SWT1: variants seen among roughly 807,000 people sequenced by gnomAD.
SWT1 encodes transcriptional protein SWT1.
SWT1 carries 33 observed loss-of-function variants against 107.3 expected under a neutral mutation model. The ratio of observed to expected loss-of-function variants is 0.31; its 90% CI spans 0.23 to 0.41. The LOEUF (loss-of-function observed/expected upper bound fraction) is 0.41, where lower values mean the gene tolerates loss of function less well. Ranked by LOEUF, SWT1 falls within the 10% of genes least tolerant of loss-of-function variation. The pLI, the probability that SWT1 is intolerant of heterozygous loss-of-function variation, is 1.00. For missense variants in SWT1, 898 were observed against 1,028.9 expected (o/e 0.87, Z 1.74); for synonymous variants, 345 against 348.3 (o/e 0.99, Z 0.11).
chr1:185,283,169 G>T (rs1664742272), intron 18 of SWT1, among the ~76,000 whole-genome samples: 1 of 152,122 alleles, frequency 6.6e-6, no homozygotes, highest in African/African-American at 2.4e-5. Flanking sequence ...AAACTGATGG[G>T]TTCTAATAAA....
intron 9 of SWT1, among the ~76,000 whole-genome samples, chr1:185,186,835 A>G (rs934770219): frequency 6.6e-6 from 1 of 151,064 alleles, no homozygotes; most frequent in African/African-American, 2.4e-5. Context: ...GCTCACTGCA[A>G]CCTCCACCTC....
intron 16 of SWT1, among the ~76,000 whole-genome samples, chr1:185,242,296 G>GT (rs1290558868): frequency 6.6e-6 from 1 of 152,094 alleles, no homozygotes; most frequent in Non-Finnish European, 1.5e-5. Context: ...TGGCATTCAC[G>GT]TATCAGTCGG....
intron 2 of SWT1, among the ~76,000 whole-genome samples, chr1:185,165,155 T>C (rs1654463084): frequency 6.6e-6 from 1 of 152,154 alleles, no homozygotes; most frequent in Non-Finnish European, 1.5e-5. Context: ...ACAGAACACA[T>C]GCAACATTTA....
At position 185,276,595 on chromosome 1, in the gene SWT1, T is replaced by C; in HGVS notation, c.2509-9T>C. 1 of 1,531,722 alleles carries C rather than the reference T, an allele frequency of 6.5e-7. No individual in the cohort carries two copies. Among genetic ancestry groups the C allele is most frequent in the Non-Finnish European group, 9.0e-7 (1 of 1,112,604 alleles). 94.9% of individuals were successfully genotyped at this position (1,531,722 alleles called of 1,614,324 possible). ...ATATTTTTAATAACTATATCTTGGT[T>C]CCTTTCAGGTAAATAAAAATGTCAA... On this transcript the variant is annotated splice_polypyrimidine_tract_variant and intron_variant, in intron 17 of 18. Coordinates refer to ENST00000367500, the MANE Select transcript of SWT1 (RefSeq NM_017673.7).
chr1:185,212,908 A>T (rs1386382608), intron 13 of SWT1, among the ~76,000 whole-genome samples: 1 of 152,134 alleles, frequency 6.6e-6, no homozygotes, highest in East Asian at 1.9e-4. Context: ...CTGTTGAATT[A>T]TATATTTGTT....
chr1:185,161,221 T>TA lies in SWT1; in HGVS notation c.84+299dup, dbSNP rs199541642. ...TTCCTGACTTCAATTCTAAGCCCCT[T>TA]AAATCCCCTCATTCTTAGCGATAAC... On this transcript the variant is annotated intron_variant, in intron 2 of 18. Transcript: ENST00000367500. 8.1e-4 allele frequency among the ~76,000 whole-genome samples: 123 copies of TA among 152,320 alleles called. 1 individual carries two copies. The East Asian group carries it at 0.022, about 27-fold the overall frequency.
chr1:185,286,285 G>A (rs577092561), intron 18 of SWT1, among the ~76,000 whole-genome samples: 8 of 152,174 alleles, frequency 5.3e-5, no homozygotes, highest in South Asian at 2.1e-4. Context: ...TTGCAGTGGC[G>A]CGATCTCGGC....
Position 185,291,487 on chromosome 1 carries a change from A to G in SWT1, c.*684A>G, listed in dbSNP as rs889552815. ...TAAATGTGAAGCAAAATAAATTTAT[A>G]TAATGGAATTTGGTGGCAGTGACTG... On this transcript the variant is annotated 3_prime_UTR_variant, in exon 19 of 19. Coordinates refer to ENST00000367500, the MANE Select transcript of SWT1 (RefSeq NM_017673.7). 2.6e-5 allele frequency: 4 copies of G among 152,590 alleles called. No homozygotes were observed. The highest frequency in any genetic ancestry group is 7.2e-5 in the African/African-American group (3 of 41,446). 9.5% of individuals were successfully genotyped at this position (152,590 alleles called of 1,614,324 possible).
At chr1:185,234,875 G>A (rs891762471) in intron 16 of SWT1, among the ~76,000 whole-genome samples, 23 of 151,546 alleles carry the variant, frequency 1.5e-4, no homozygotes, top group African/African-American at 3.9e-4. Flanking sequence ...ATGATAAAGG[G>A]GATATCACCA....
chr1:185,218,778 C>T (rs1403774323), intron 14 of SWT1, among the ~76,000 whole-genome samples: 1 of 152,112 alleles, frequency 6.6e-6, no homozygotes, highest in East Asian at 1.9e-4. Flanking sequence ...CCTCAGGATC[C>T]TGAGTTGTGG....
intron 9 of SWT1, among the ~76,000 whole-genome samples, chr1:185,187,342 G>A (rs80019845): frequency 1.2e-3 from 188 of 152,012 alleles, no homozygotes; most frequent in African/African-American, 4.4e-3. Flanking sequence ...TGTGAGCCAC[G>A]GTGCCTGGCT....
At chr1:185,234,379 C>G (rs1025489408) in intron 16 of SWT1, among the ~76,000 whole-genome samples, 1 of 152,096 alleles carries the variant, frequency 6.6e-6, no homozygotes, top group Non-Finnish European at 1.5e-5. Context: ...ATGCCTTTGT[C>G]TCTTTTGATC....
intron 5 of SWT1, chr1:185,177,147 T>A: frequency 5.6e-5 from 32 of 574,004 alleles, no homozygotes; most frequent in Non-Finnish European, 7.0e-5. Flanking sequence ...TTGAATTGAG[T>A]TTGTTTTCAC....
intron 16 of SWT1, among the ~76,000 whole-genome samples, chr1:185,252,734 C>T (rs1168822009): frequency 6.6e-6 from 1 of 152,096 alleles, no homozygotes; most frequent in Non-Finnish European, 1.5e-5. Context: ...TTGTAGGTTG[C>T]CTGTTCACTC....
At chr1:185,276,036 T>C (rs1664216663) in intron 17 of SWT1, among the ~76,000 whole-genome samples, 1 of 152,280 alleles carries the variant, frequency 6.6e-6, no homozygotes, top group South Asian at 2.1e-4. Flanking sequence ...TCTGCAAGTT[T>C]TCAGATTCTT....
intron 5 of SWT1, 88 bp downstream of exon 5, chr1:185,175,201 TG>T: frequency 8.3e-6 from 9 of 1,081,370 alleles, no homozygotes; most frequent in East Asian, 3.1e-5. Flanking sequence ...TATTTTTTTC[TG>T]TTTTTTTTTT....
intron 2 of SWT1, among the ~76,000 whole-genome samples, chr1:185,163,926 G>T (rs547820025): frequency 1.3e-4 from 20 of 152,264 alleles, no homozygotes; most frequent in Admixed American, 5.2e-4. Context: ...CTTTCTAGAA[G>T]GTTTTCAATT....
Position 185,290,996 on chromosome 1 carries a change from C to T in SWT1, c.*193C>T, listed in dbSNP as rs1665222392. On this transcript the variant is annotated 3_prime_UTR_variant, in exon 19 of 19. Transcript: ENST00000367500. ...CCTAATGTATCCACTGTGGAATAAA[C>T]TCCATAGACTCAACTCTTCTGGAGT... The T allele has an allele frequency of 5.8e-6, 2 of 346,082 alleles. No individual in the cohort carries two copies. The highest frequency in any genetic ancestry group is 5.2e-6 in the Non-Finnish European group (1 of 191,068). The allele number at this position is 346,082 out of a possible 1,614,324, so 21.4% of individuals were successfully genotyped here.
At chr1:185,166,728 C>A in intron 3 of SWT1, 76 bp downstream of exon 3, 1 of 937,860 alleles carries the variant, frequency 1.1e-6, no homozygotes, top group Admixed American at 2.4e-5. Flanking sequence ...ATATAAATTC[C>A]TCCTATACTT....
Sources: allele counts gnomAD v4.1 joint callset (sites outside exome capture counted in the v4.1 genomes callset), GRCh38; gene constraint gnomAD v4.1.1; transcripts MANE v1.5; gene names NCBI Gene and HGNC (gene_info 2026-07-23, HGNC 2026-07-21).